The following ATXN1 variants were observed in gnomAD, a reference collection of about 807,000 sequenced individuals.
ATXN1 encodes the protein ataxin 1.
Under a neutral mutation model 56.4 loss-of-function variants are expected in ATXN1, and 8 were observed. That is an observed-to-expected ratio of 0.14 (90% CI 0.08 to 0.26). The LOEUF is 0.26. Among genes scored for constraint, ATXN1 ranks in the 10% least tolerant of loss-of-function variants. The probability of loss-of-function intolerance (pLI) is 1.00; values close to 1 mark genes in which losing one functional copy is unlikely to be tolerated. For synonymous variants in ATXN1, 514 were observed against 494.6 expected (o/e 1.04, Z -0.52); for missense variants, 987 against 1,106.5 (o/e 0.89, Z 1.53).
rs1243300712 is a variant in ATXN1, at chr6:16,305,032, C to G, written c.*1297G>C. On this transcript the variant is annotated 3_prime_UTR_variant, in exon 8 of 8. Transcript: ENST00000436367. ...TCCCTTTAAACCACATTGAAACTTT[C>G]AATATCTTGCTCTTCAGCAATTCTG... 1 of 152,578 alleles carries G rather than the reference C, an allele frequency of 6.6e-6. No individual in the cohort carries two copies. Among genetic ancestry groups the G allele is most frequent in the East Asian group, 1.9e-4 (1 of 5,196 alleles). The allele number at this position is 152,578 out of a possible 1,614,324, so 9.5% of individuals were successfully genotyped here. A position where few individuals can be genotyped will look rare whatever the true frequency, so the allele number is the denominator to read the frequency against.
intron 3 of ATXN1, among the ~76,000 whole-genome samples, chr6:16,640,180 T>C (rs1267059132): frequency 1.3e-5 from 2 of 152,322 alleles, no homozygotes; most frequent in African/African-American, 4.8e-5. Context: ...TAATACAGTA[T>C]TTCAAACTTT....
At chr6:16,737,859 A>C (rs545261588) in intron 2 of ATXN1, 6 of 152,320 alleles carry the variant, frequency 3.9e-5, no homozygotes, top group Admixed American at 1.3e-4. Flanking sequence ...TACAAAACAA[A>C]AAAAAAAGTA....
intron 6 of ATXN1, among the ~76,000 whole-genome samples, chr6:16,460,348 C>A (rs1406848041): frequency 6.6e-6 from 1 of 152,148 alleles, no homozygotes; most frequent in Non-Finnish European, 1.5e-5. Context: ...AACCCCACAA[C>A]CTAAGTAAGG....
chr6:16,366,313 A>G (rs899511533), intron 6 of ATXN1, among the ~76,000 whole-genome samples: 2 of 152,158 alleles, frequency 1.3e-5, no homozygotes, highest in Admixed American at 6.5e-5. Flanking sequence ...TACCCAGAAT[A>G]CCACATTAAT....
At chr6:16,569,448 A>G (rs1762290356) in intron 4 of ATXN1, among the ~76,000 whole-genome samples, 1 of 147,270 alleles carries the variant, frequency 6.8e-6, no homozygotes, top group African/African-American at 2.5e-5. Context: ...AATCGCTTGA[A>G]CCCAGGAGGT....
chr6:16,442,398 C>G (rs546699970), intron 6 of ATXN1, among the ~76,000 whole-genome samples: 44 of 151,930 alleles, frequency 2.9e-4, no homozygotes, highest in African/African-American at 1.0e-3. Flanking sequence ...AGGTCTGTTA[C>G]TGAAAGATGA....
rs145024504 is a variant in ATXN1, at chr6:16,648,373, T to C, written c.-489+9403A>G. 3.3e-3 allele frequency among the ~76,000 whole-genome samples: 500 copies of C among 152,346 alleles called. 2 individuals are homozygous for C. The highest frequency in any genetic ancestry group is 0.014 in the Middle Eastern group (4 of 294). ...TGTAATGAAAAGCGTCATAGTCTAA[T>C]TGCCTTCCTGAGTTTTTGTCACTAG... On this transcript the variant is annotated intron_variant, in intron 3 of 7. Coordinates refer to ENST00000436367, the MANE Select transcript of ATXN1 (RefSeq NM_001128164.2).
At chr6:16,684,220 C>G (rs1758871626) in intron 2 of ATXN1, among the ~76,000 whole-genome samples, 1 of 152,154 alleles carries the variant, frequency 6.6e-6, no homozygotes, top group South Asian at 2.1e-4. Context: ...ATCCATAACC[C>G]TCCTCTCATT....
Position 16,753,220 on chromosome 6 carries a change from G to A in ATXN1, c.-615+13C>T, listed in dbSNP as rs771052177. ...CCTCAGATGGAAAACAGAGAGCATC[G>A]CAAAACTCTCACCTGACATGTGATG... is the stretch of plus-strand genomic sequence containing the variant. On this transcript the variant is annotated intron_variant, in intron 2 of 7. Coordinates refer to ENST00000436367, the MANE Select transcript of ATXN1 (RefSeq NM_001128164.2). 8.3e-5 allele frequency: 38 copies of A among 456,358 alleles called. No individual in the cohort carries two copies. Among genetic ancestry groups the A allele is most frequent in the Non-Finnish European group, 1.4e-4 (32 of 226,962 alleles). The allele number at this position is 456,358 out of a possible 1,614,324, so 28.3% of individuals were successfully genotyped here.
At chr6:16,308,314 A>C (rs1760303955) in intron 7 of ATXN1, among the ~76,000 whole-genome samples, 1 of 140,394 alleles carries the variant, frequency 7.1e-6, no homozygotes, top group Non-Finnish European at 1.5e-5. Flanking sequence ...CGACAGAGTG[A>C]AACTCCGTCA....
At chr6:16,389,424 T>G (rs558764736) in intron 6 of ATXN1, among the ~76,000 whole-genome samples, 2 of 152,174 alleles carry the variant, frequency 1.3e-5, no homozygotes, top group Admixed American at 1.3e-4. Context: ...ATGTGGTTTA[T>G]GCAGTTCTAA....
chr6:16,727,961 A>G (rs1431573545), intron 2 of ATXN1, among the ~76,000 whole-genome samples: 1 of 152,212 alleles, frequency 6.6e-6, no homozygotes, highest in Non-Finnish European at 1.5e-5. Flanking sequence ...CTTATTCACC[A>G]TCTACTACTC....
chr6:16,689,589 A>G (rs900201734), intron 2 of ATXN1, among the ~76,000 whole-genome samples: 5 of 140,060 alleles, frequency 3.6e-5, no homozygotes, highest in Admixed American at 1.6e-4. Flanking sequence ...TCCTGGGCTC[A>G]AGGGATCCTC....
intron 2 of ATXN1, among the ~76,000 whole-genome samples, chr6:16,731,371 T>C (rs887045917): frequency 6.8e-6 from 1 of 146,468 alleles, no homozygotes; most frequent in Non-Finnish European, 1.5e-5. Context: ...CAATGAGAAA[T>C]GAGGGCATCA....
At chr6:16,622,495 A>C (rs1358434957) in intron 3 of ATXN1, among the ~76,000 whole-genome samples, 2 of 152,216 alleles carry the variant, frequency 1.3e-5, no homozygotes, top group Non-Finnish European at 2.9e-5. Flanking sequence ...AGTATCGAAC[A>C]CAGGAAGTAC....
chr6:16,646,162 C>T (rs995888249), intron 3 of ATXN1, among the ~76,000 whole-genome samples: 5 of 152,114 alleles, frequency 3.3e-5, no homozygotes, highest in Non-Finnish European at 7.4e-5. Flanking sequence ...GTCAAGGATG[C>T]AGTGAGCTAT....
chr6:16,722,561 C>T (rs1322929336), intron 2 of ATXN1, among the ~76,000 whole-genome samples: 1 of 152,160 alleles, frequency 6.6e-6, no homozygotes, highest in Non-Finnish European at 1.5e-5. Flanking sequence ...ATCTCACTAT[C>T]GCTTTTCTGG....
At chr6:16,464,203 C>T (rs976381126) in intron 6 of ATXN1, among the ~76,000 whole-genome samples, 1 of 152,144 alleles carries the variant, frequency 6.6e-6, no homozygotes, top group African/African-American at 2.4e-5. Flanking sequence ...CAGGAACTTT[C>T]CTGTCTTACA....
Position 16,760,180 on chromosome 6 carries a change from A to C in ATXN1, c.-730+1118T>G, listed in dbSNP as rs921218775. 2.0e-5 allele frequency among the ~76,000 whole-genome samples: 3 copies of C among 151,488 alleles called. No individual in the cohort carries two copies. Among genetic ancestry groups the C allele is most frequent in the African/African-American group, 7.3e-5 (3 of 41,204 alleles). On this transcript the variant is annotated intron_variant, in intron 1 of 7. Coordinates refer to ENST00000436367, the MANE Select transcript of ATXN1 (RefSeq NM_001128164.2). This position sits in a 1 kb window ranked among gnomAD's most constrained non-coding sequence, Gnocchi z 5.3. ...AGTGGCAGAGTCTCCGGCCCGGCCCAGAGTGAACGAGCAGTGGGGCTCCAG... is the reference window on the plus strand; with the variant it reads ...AGTGGCAGAGTCTCCGGCCCGGCCCCGAGTGAACGAGCAGTGGGGCTCCAG...
Sources: gnomAD v4.1 joint callset for allele counts (sites outside exome capture counted in the v4.1 genomes callset) on GRCh38, gnomAD v4.1.1 for gene constraint, Gnocchi (gnomAD v3.1) non-coding constraint, MANE v1.5 for transcripts, NCBI Gene and HGNC (gene_info 2026-07-23, HGNC 2026-07-21) for gene names.